The following UROS variants were observed in gnomAD, a reference collection of about 807,000 sequenced individuals.
UROS encodes uroporphyrinogen III synthase.
In UROS, 18 loss-of-function variants were observed where a neutral mutation model predicts 33.0. The ratio of observed to expected loss-of-function variants is 0.55; its 90% CI spans 0.38 to 0.81. The LOEUF (loss-of-function observed/expected upper bound fraction) is 0.81, where lower values mean the gene tolerates loss of function less well. Ranked by LOEUF, UROS falls within the 30% of genes least tolerant of loss-of-function variation. The probability of loss-of-function intolerance (pLI) is 0.00; values close to 1 mark genes in which losing one functional copy is unlikely to be tolerated. For missense variants in UROS, 293 were observed against 314.9 expected, an observed-to-expected ratio of 0.93 and a Z score of 0.53; for synonymous variants, 114 against 121.1, an observed-to-expected ratio of 0.94 and a Z score of 0.38.
intron 1 of UROS, among the ~76,000 whole-genome samples, 175 bp downstream of exon 1, chr10:125,822,854 C>A (rs1854111379): frequency 6.6e-6 from 1 of 152,218 alleles, no homozygotes; most frequent in Non-Finnish European, 1.5e-5. Context: ...GCTGGGCAGG[C>A]GCCTTCCGTC....
At chr10:125,811,159 T>C (rs1852779166) in intron 5 of UROS, among the ~76,000 whole-genome samples, 2 of 152,248 alleles carry the variant, frequency 1.3e-5, no homozygotes, top group African/African-American at 2.4e-5. Context: ...TGCATAGTGA[T>C]GCTACCGAAA....
intron 9 of UROS, 106 bp downstream of exon 9, chr10:125,794,774 T>A (rs150269975): frequency 1.8e-6 from 2 of 1,108,254 alleles, no homozygotes; most frequent in East Asian, 5.2e-5. Flanking sequence ...AGGCACCTGC[T>A]AGGCCAGGGG....
intron 5 of UROS, among the ~76,000 whole-genome samples, chr10:125,810,846 G>A (rs1485703238): frequency 1.3e-5 from 2 of 152,194 alleles, no homozygotes; most frequent in Non-Finnish European, 2.9e-5. Context: ...TCATGTCAAG[G>A]AAAAATGTGG....
At chr10:125,818,412 G>C (rs1853548244) in intron 1 of UROS, among the ~76,000 whole-genome samples, 1 of 152,086 alleles carries the variant, frequency 6.6e-6, no homozygotes, top group African/African-American at 2.4e-5. Flanking sequence ...AGAATCACTT[G>C]AGCCCAGGAG....
chr10:125,790,053 G>A (rs2133802750), intron 9 of UROS, among the ~76,000 whole-genome samples: 1 of 152,300 alleles, frequency 6.6e-6, no homozygotes, highest in Non-Finnish European at 1.5e-5. Context: ...AGGTGGTAGT[G>A]GAGGTAACAA....
At chr10:125,795,028 G>T in intron 8 of UROS, 50 bp from the exon 9 acceptor site, 2 of 1,533,852 alleles carry the variant, frequency 1.3e-6, no homozygotes, top group Non-Finnish European at 9.0e-7. Context: ...ACTGAGGAGA[G>T]ACAACATTCC....
chr10:125,810,832 A>C (rs1004349775), intron 5 of UROS, among the ~76,000 whole-genome samples: 1 of 152,232 alleles, frequency 6.6e-6, no homozygotes, highest in Non-Finnish European at 1.5e-5. Context: ...TGGGTGATTG[A>C]CTTTCATGTC....
intron 5 of UROS, among the ~76,000 whole-genome samples, chr10:125,807,780 T>C (rs1331754277): frequency 2.0e-5 from 3 of 152,168 alleles, no homozygotes; most frequent in African/African-American, 7.2e-5. Context: ...CATGGAACTG[T>C]TTTAAGGATC....
chr10:125,798,134 C>CTG lies in UROS; in HGVS notation c.404_405dup (p.Ala136GlnfsTer31). ...CCACAGGGAAATAGAAGAGGCAGTG[C>CTG]TGAGGACTCCCCTGTGAATAAATAA... On this transcript the variant is annotated frameshift_variant, in exon 7 of 10. Transcript: ENST00000368797. LOFTEE classifies it high-confidence loss of function. The CTG allele has an allele frequency of 6.2e-7, 1 of 1,613,912 alleles. No individual in the cohort carries two copies. Among genetic ancestry groups the CTG allele is most frequent in the Non-Finnish European group, 8.5e-7 (1 of 1,179,810 alleles).
rs183852683 is a variant in UROS, at chr10:125,802,531, C to A, written c.395-4386G>T. The A allele has an allele frequency of 1.2e-5, 12 of 995,814 alleles. No homozygotes were observed. The Admixed American group carries it at 6.9e-4, about 57-fold the overall frequency. 61.7% of individuals were successfully genotyped at this position (995,814 alleles called of 1,614,324 possible). A position where few individuals can be genotyped will look rare whatever the true frequency, so the allele number is the denominator to read the frequency against. On this transcript the variant is annotated intron_variant, in intron 6 of 9. Coordinates refer to ENST00000368797, the MANE Select transcript of UROS (RefSeq NM_000375.3). ...TTGGCCTCCAGAGGGCTTCTCCACA[C>A]TGGTGCATGGAGAGGCCTCTTCCGA...
Position 125,795,454 on chromosome 10 carries a change from C to T in UROS, c.562-476G>A, listed in dbSNP as rs372478583. Among the ~76,000 whole-genome samples, 13 of 152,316 alleles carry T rather than the reference C, an allele frequency of 8.5e-5. No individual in the cohort carries two copies. The South Asian group carries it at 2.7e-3, about 32-fold the overall frequency. On this transcript the variant is annotated intron_variant, in intron 8 of 9. Transcript: ENST00000368797. ...ACCAGGCAAGACATTCAGAAGCTTG[C>T]CCTGGGAGAGGAAAGGGAGGTGTTT...
At position 125,800,765 on chromosome 10, in the gene UROS, T is replaced by C. The variant is rs567808432; in HGVS notation, c.395-2620A>G. On this transcript the variant is annotated intron_variant, in intron 6 of 9. Coordinates refer to ENST00000368797, the MANE Select transcript of UROS (RefSeq NM_000375.3). ...TAGTAGAGATGGGGTTTCACCATGTTGGCCAGAACTCCTGACCTGGTCTCA... is the reference window on the plus strand; with the variant it reads ...TAGTAGAGATGGGGTTTCACCATGTCGGCCAGAACTCCTGACCTGGTCTCA... Among the ~76,000 whole-genome samples, 9 of 152,210 alleles carry C rather than the reference T, an allele frequency of 5.9e-5. No homozygotes were observed. The South Asian group carries it at 1.9e-3, about 32-fold the overall frequency.
intron 6 of UROS, among the ~76,000 whole-genome samples, chr10:125,798,498 G>A (rs1355891450): frequency 6.6e-6 from 1 of 152,220 alleles, no homozygotes; most frequent in Admixed American, 6.5e-5. Context: ...AGTCAGGAAG[G>A]TGAAGATCAG....
chr10:125,815,170 C>T, intron 3 of UROS, 40 bp from the exon 4 acceptor site: 2 of 1,602,466 alleles, frequency 1.2e-6, no homozygotes, highest in Non-Finnish European at 1.7e-6. Context: ...TATACGATGG[C>T]TATGTTCAAC....
At chr10:125,806,418 G>A (rs1852341437) in intron 6 of UROS, among the ~76,000 whole-genome samples, 2 of 152,292 alleles carry the variant, frequency 1.3e-5, no homozygotes, top group African/African-American at 4.8e-5. Flanking sequence ...GCTGTCAGCA[G>A]TTCATCTGAC....
At chr10:125,821,192 T>C (rs994718903) in intron 1 of UROS, among the ~76,000 whole-genome samples, 4 of 152,248 alleles carry the variant, frequency 2.6e-5, no homozygotes, top group African/African-American at 4.8e-5. Context: ...ATACTCATGT[T>C]CATAGCAACA....
Position 125,816,209 on chromosome 10 carries a change from CA to C in UROS, c.114del (p.Phe38LeufsTer50). 1 of 1,614,174 alleles carries C rather than the reference CA, an allele frequency of 6.2e-7. No homozygotes were observed. Among genetic ancestry groups the C allele is most frequent in the Non-Finnish European group, 8.5e-7 (1 of 1,180,022 alleles). On this transcript the variant is annotated frameshift_variant, in exon 3 of 10. Coordinates refer to ENST00000368797, the MANE Select transcript of UROS (RefSeq NM_000375.3). LOFTEE classifies it high-confidence loss of function. ...GAGAAACTGGGAAGAGACAAAAACT[CA>C]AACGATAAAACAGGGATCAAAGTGG... ...LEATLIPVLS[F>X]EFLSLPSFSE... is the part of the protein sequence containing the mutation.
In UROS at chr10:125,794,956, A is replaced by T. The variant is rs775976028; in HGVS notation, c.584T>A (p.Phe195Tyr). 9 of 1,614,240 alleles carry T rather than the reference A, an allele frequency of 5.6e-6. No homozygotes were observed. Among genetic ancestry groups the T allele is most frequent in the Non-Finnish European group, 5.9e-6 (7 of 1,180,030 alleles). ...SQQGVPASITFFSPSGLTYSL... is the reference protein window; with the variant it reads ...SQQGVPASITYFSPSGLTYSL... Reference sequence around the variant, plus strand: ...GTATGTGAGGCCAGAGGGACTAAAAAATGTGATGCTGGCTGGAACCCCCTG... The same window carrying T: ...GTATGTGAGGCCAGAGGGACTAAAATATGTGATGCTGGCTGGAACCCCCTG... The change falls in exon 9 of 10, where the codon TTT (phenylalanine) becomes TAT (tyrosine). Residue 195 changes from phenylalanine to tyrosine, a missense_variant. Phe to Tyr is a conservative substitution (Grantham distance 22). Coordinates refer to ENST00000368797, the MANE Select transcript of UROS (RefSeq NM_000375.3).
intron 9 of UROS, among the ~76,000 whole-genome samples, chr10:125,790,768 A>G (rs1850867033): frequency 7.7e-6 from 1 of 130,242 alleles, no homozygotes; most frequent in South Asian, 2.5e-4. Context: ...GGGCAACGAG[A>G]GCAAAACTCC....
Sources: gnomAD v4.1 joint callset for allele counts (sites outside exome capture counted in the v4.1 genomes callset) on GRCh38, gnomAD v4.1.1 for gene constraint, MANE v1.5 for transcripts, NCBI Gene and HGNC (gene_info 2026-07-23, HGNC 2026-07-21) for gene names.